The following TAF1A variants were observed in gnomAD, a reference collection of about 807,000 sequenced individuals.
TAF1A encodes TATA-box binding protein associated factor, RNA polymerase I subunit A.
A neutral mutation model predicts 61.6 loss-of-function variants in TAF1A; 42 were observed. The observed-to-expected ratio is 0.68, with a 90% CI of 0.53 to 0.88. TAF1A has a LOEUF of 0.88. Ranked by LOEUF, TAF1A falls within the 40% of genes least tolerant of loss-of-function variation. TAF1A has a pLI of 0.00. For synonymous variants in TAF1A, 179 were observed against 177.7 expected (o/e 1.01, Z -0.06); for missense variants, 424 against 518.7 (o/e 0.82, Z 1.77).
At chr1:222,574,874 G>C (rs991644757) in intron 5 of TAF1A, among the ~76,000 whole-genome samples, 2 of 152,156 alleles carry the variant, frequency 1.3e-5, no homozygotes, top group Non-Finnish European at 1.5e-5. Flanking sequence ...TTTCTTGAGA[G>C]AGAATGGGAG....
intron 7 of TAF1A, among the ~76,000 whole-genome samples, chr1:222,565,940 T>C (rs1303072862): frequency 2.0e-5 from 3 of 152,208 alleles, no homozygotes; most frequent in Admixed American, 6.5e-5. Flanking sequence ...AGTTTCCACA[T>C]CTGAAGGTTT....
At position 222,588,458 on chromosome 1, in the gene TAF1A, AT is replaced by A. The variant is rs748102592; in HGVS notation, c.105del (p.Tyr36ThrfsTer2). On this transcript the variant is annotated frameshift_variant, in exon 2 of 11. Transcript: ENST00000352967. LOFTEE classifies it high-confidence loss of function. ...GAGMHFPWLQ[T>X]YVETVAIGGK... is the part of the protein sequence containing the mutation. ...TTTTACTTACCCACAGTTTCTACGT[AT>A]GTTTGAAGCCAAGGAAAATGCATTC... 5 of 1,613,432 alleles carry A rather than the reference AT, an allele frequency of 3.1e-6. No homozygotes were observed. The highest frequency in any genetic ancestry group is 4.2e-6 in the Non-Finnish European group (5 of 1,179,840).
In TAF1A at chr1:222,577,521, G is replaced by A; in HGVS notation, c.528C>T (p.Ile176=). The change falls in exon 5 of 11, where the codon ATC becomes ATT. Residue 176 remains isoleucine, a synonymous_variant. Transcript: ENST00000352967. ...GENTSSREIL[I]NLIQAYKGLL... is the part of the protein sequence containing the mutation. ...GCCCTTTATAGGCCTGAATAAGGTT[G>A]ATTAATATTTCCCGGGAAGACGTAT... 1 of 1,613,948 alleles carries A rather than the reference G, an allele frequency of 6.2e-7. No homozygotes were observed. The highest frequency in any genetic ancestry group is 8.5e-7 in the Non-Finnish European group (1 of 1,179,898).
Position 222,589,907 on chromosome 1 carries a change from C to T in TAF1A, c.-183G>A, listed in dbSNP as rs3008652. Reference sequence around the variant, plus strand: ...ACTCCTCCTGCTGCAGCAGGCGTATCGTTGGCCTCGCCTCGACCCCGGAAG... The same window carrying T: ...ACTCCTCCTGCTGCAGCAGGCGTATTGTTGGCCTCGCCTCGACCCCGGAAG... On this transcript the variant is annotated 5_prime_UTR_variant, in exon 1 of 11. Transcript: ENST00000352967. 396,381 of 397,276 alleles carry T rather than the reference C, an allele frequency of 1. 197,751 individuals carry two copies. The highest frequency in any genetic ancestry group is 1 in the Middle Eastern group (1,584 of 1,584). 24.6% of individuals were successfully genotyped at this position (397,276 alleles called of 1,614,324 possible).
At position 222,581,673 on chromosome 1, in the gene TAF1A, TTAAA is replaced by T. The variant is rs373865533; in HGVS notation, c.292-1805_292-1802del. 5.9e-5 allele frequency among the ~76,000 whole-genome samples: 9 copies of T among 152,250 alleles called. No homozygotes were observed. The East Asian group carries it at 1.7e-3, about 29-fold the overall frequency. Reference sequence around the variant, plus strand: ...CAGTTGGAGTAAGGCAATTGCAATTTTAAATAGTCAAAGTAGGCCTCAATGAAAA... The same window carrying T: ...CAGTTGGAGTAAGGCAATTGCAATTTTAGTCAAAGTAGGCCTCAATGAAAA... On this transcript the variant is annotated intron_variant, in intron 3 of 10. Transcript: ENST00000352967.
At chr1:222,559,343 T>G (rs1659821159) in intron 10 of TAF1A, among the ~76,000 whole-genome samples, 1 of 152,236 alleles carries the variant, frequency 6.6e-6, no homozygotes, top group East Asian at 1.9e-4. Context: ...AGCAGCAAGG[T>G]GGAGACCATG....
Position 222,588,525 on chromosome 1 carries a change from T to G in TAF1A, c.39A>C (p.Thr13=). ...DFSEELKGPV[T]DDEEVETSVL... ...CAGATGTTTCCACTTCTTCATCATC[T>G]GTCACAGGCCCTTTTAATTCTTCAC... The change falls in exon 2 of 11, where the codon ACA becomes ACC. Residue 13 remains threonine, a synonymous_variant. Coordinates refer to ENST00000352967, the MANE Select transcript of TAF1A (RefSeq NM_005681.4). 12 of 1,614,108 alleles carry G rather than the reference T, an allele frequency of 7.4e-6. No homozygotes were observed. The highest frequency in any genetic ancestry group is 1.0e-5 in the Non-Finnish European group (12 of 1,179,988).
At chr1:222,581,093 C>A (rs1178574630) in intron 3 of TAF1A, among the ~76,000 whole-genome samples, 1 of 152,050 alleles carries the variant, frequency 6.6e-6, no homozygotes, top group Non-Finnish European at 1.5e-5. Flanking sequence ...GAGTGAGACT[C>A]CATCTCAAAA....
At chr1:222,561,125 T>C (rs761945488) in intron 10 of TAF1A, among the ~76,000 whole-genome samples, 6 of 152,278 alleles carry the variant, frequency 3.9e-5, no homozygotes, top group Admixed American at 6.5e-5. Context: ...TGTATCTTAA[T>C]GGCCCCCTAA....
At chr1:222,574,963 G>A (rs1272531290) in intron 5 of TAF1A, among the ~76,000 whole-genome samples, 1 of 152,108 alleles carries the variant, frequency 6.6e-6, no homozygotes, top group African/African-American at 2.4e-5. Context: ...CTGGGTGGTG[G>A]TTATGTGAAT....
Position 222,563,256 on chromosome 1 carries a change from AAAT to A in TAF1A, c.999_1001del (p.Leu333del), listed in dbSNP as rs1196699418. 6.2e-7 allele frequency: 1 copy of A among 1,613,032 alleles called. No homozygotes were observed. The highest frequency in any genetic ancestry group is 8.5e-7 in the Non-Finnish European group (1 of 1,179,572). ...TGCATCCGGCAAAATCTAAGACTCC[AAAT>A]AATACCTCCAACCCCAGTTTACGGT... On this transcript the variant is annotated inframe_deletion, in exon 9 of 11. Coordinates refer to ENST00000352967, the MANE Select transcript of TAF1A (RefSeq NM_005681.4).
intron 5 of TAF1A, among the ~76,000 whole-genome samples, chr1:222,572,852 G>T (rs183270417): frequency 6.6e-6 from 1 of 152,166 alleles, no homozygotes; most frequent in Non-Finnish European, 1.5e-5. Flanking sequence ...AAATCTTTGC[G>T]ACCTTGCAGT....
intron 3 of TAF1A, among the ~76,000 whole-genome samples, chr1:222,580,709 A>C (rs1197236962): frequency 6.6e-6 from 1 of 152,084 alleles, no homozygotes; most frequent in Non-Finnish European, 1.5e-5. Flanking sequence ...AGCTTAAAGA[A>C]AACCTGGGTC....
chr1:222,584,410 C>T lies in TAF1A; in HGVS notation c.122-113G>A, dbSNP rs552174054. On this transcript the variant is annotated intron_variant, in intron 2 of 10. Coordinates refer to ENST00000352967, the MANE Select transcript of TAF1A (RefSeq NM_005681.4). ...AAGTAAACAGTAGGCATTACTTGAC[C>T]CAGCCCATTCCCAGTACCAAAGCCA... is the stretch of plus-strand genomic sequence containing the variant. The T allele has an allele frequency of 4.5e-6, 4 of 896,674 alleles. No homozygotes were observed. The Admixed American group carries it at 9.6e-5, about 21-fold the overall frequency. The allele number at this position is 896,674 out of a possible 1,614,324, so 55.5% of individuals were successfully genotyped here. A position where few individuals can be genotyped will look rare whatever the true frequency, so the allele number is the denominator to read the frequency against.
At position 222,561,442 on chromosome 1, in the gene TAF1A, A is replaced by T. The variant is rs780208624; in HGVS notation, c.1162T>A (p.Trp388Arg). 9.3e-6 allele frequency: 15 copies of T among 1,612,642 alleles called. No individual in the cohort carries two copies. The highest frequency in any genetic ancestry group is 1.2e-5 in the Non-Finnish European group (14 of 1,179,226). ...WWPGFHFSYF[W>R]AKSDWKEDTA... Reference sequence around the variant, plus strand: ...TCTTCCTTCCAATCACTTTTTGCCCAAAAGTAGCTGAAATGAAAGCCTGGC... The same window carrying T: ...TCTTCCTTCCAATCACTTTTTGCCCTAAAGTAGCTGAAATGAAAGCCTGGC... The change falls in exon 10 of 11, where the codon TGG (tryptophan) becomes AGG (arginine). Residue 388 changes from tryptophan (W) to arginine (R), a missense_variant. Coordinates refer to ENST00000352967, the MANE Select transcript of TAF1A (RefSeq NM_005681.4).
chr1:222,566,902 A>G (rs1330683987), intron 7 of TAF1A, among the ~76,000 whole-genome samples: 1 of 152,226 alleles, frequency 6.6e-6, no homozygotes, highest in Non-Finnish European at 1.5e-5. Flanking sequence ...CAATTCCTCA[A>G]AAAGTTAAAA....
Position 222,569,411 on chromosome 1 carries a change from A to G in TAF1A, c.894+99T>C, listed in dbSNP as rs753727603. ...TCTCAGTGTACTGTACATTATTGAA[A>G]TTTTCTGTAGATGCTATAAAAGTTA... On this transcript the variant is annotated intron_variant, in intron 7 of 10. Coordinates refer to ENST00000352967, the MANE Select transcript of TAF1A (RefSeq NM_005681.4). 3.1e-6 allele frequency: 5 copies of G among 1,605,914 alleles called. No individual in the cohort carries two copies. The Admixed American group carries it at 8.4e-5, about 27-fold the overall frequency.
At chr1:222,565,750 T>G (rs1055732473) in intron 7 of TAF1A, among the ~76,000 whole-genome samples, 5 of 152,116 alleles carry the variant, frequency 3.3e-5, no homozygotes, top group African/African-American at 4.8e-5. Context: ...TAGTCCCAGC[T>G]ACTCGGGAGG....
At chr1:222,569,350 A>C in intron 7 of TAF1A, 160 bp downstream of exon 7, 2 of 1,538,962 alleles carry the variant, frequency 1.3e-6, no homozygotes, top group South Asian at 1.2e-5. Flanking sequence ...TGATACATAC[A>C]TGGAGATGGC....
Sources: allele counts gnomAD v4.1 joint callset (sites outside exome capture counted in the v4.1 genomes callset), GRCh38; gene constraint gnomAD v4.1.1; transcripts MANE v1.5; gene names NCBI Gene and HGNC (gene_info 2026-07-23, HGNC 2026-07-21).